The following KIF20B variants were observed in gnomAD, a reference collection of about 807,000 sequenced individuals.
The protein encoded by KIF20B is kinesin-like protein KIF20B.
A neutral mutation model predicts 232.5 loss-of-function variants in KIF20B; 188 were observed. The ratio of observed to expected loss-of-function variants is 0.81; its 90% CI spans 0.72 to 0.91. The LOEUF is 0.91. KIF20B is among the 40% of genes least tolerant of loss of function. The probability of loss-of-function intolerance (pLI) is 0.00; values close to 1 mark genes in which losing one functional copy is unlikely to be tolerated. For missense variants in KIF20B, 2,154 were observed against 2,055.9 expected (o/e 1.05, Z -0.92); for synonymous variants, 712 against 683.0 (o/e 1.04, Z -0.66).
rs371594371 is a variant in KIF20B, at chr10:89,738,090, A to G, written c.3249A>G (p.Gln1083=). The change falls in exon 20 of 33, where the codon CAA becomes CAG. Residue 1083 remains glutamine, a synonymous_variant. Transcript: ENST00000371728. ...GTCATCAGATTGAGGAACTGGAACAACAAATTGAAAAATTGCAGGCAGAAG... is the reference window on the plus strand; with the variant it reads ...GTCATCAGATTGAGGAACTGGAACAGCAAATTGAAAAATTGCAGGCAGAAG... ...KKSHQIEELE[Q]QIEKLQAEVK... 7.3e-5 allele frequency: 118 copies of G among 1,612,682 alleles called. No homozygotes were observed. Among genetic ancestry groups the G allele is most frequent in the Non-Finnish European group, 9.6e-5 (113 of 1,179,622 alleles).
intron 30 of KIF20B, 46 bp downstream of exon 30, chr10:89,768,437 C>G: frequency 8.8e-7 from 1 of 1,135,392 alleles, no homozygotes; most frequent in Non-Finnish European, 1.3e-6. Context: ...ATCCAGAAAT[C>G]CAGTTGTGTT....
chr10:89,714,155 T>A (rs1842889534), intron 7 of KIF20B, 72 bp downstream of exon 7: 1 of 858,750 alleles, frequency 1.2e-6, no homozygotes, highest in Non-Finnish European at 1.7e-6. Context: ...TTTTAATTTT[T>A]AAATCACTTC....
chr10:89,704,681 G>A (rs893133746), intron 1 of KIF20B, among the ~76,000 whole-genome samples: 5 of 151,914 alleles, frequency 3.3e-5, no homozygotes, highest in Admixed American at 2.0e-4. Flanking sequence ...TCAGCCTCCC[G>A]AGTAGCTGGG....
rs1396114697 is a variant in KIF20B, at chr10:89,726,310, A to G, written c.2019A>G (p.Val673=). The G allele has an allele frequency of 3.9e-6, 6 of 1,547,272 alleles. No individual in the cohort carries two copies. Among genetic ancestry groups the G allele is most frequent in the East Asian group, 2.5e-5 (1 of 40,786 alleles). ...KVETEETHNY[V]GFEDIIDSLQ... ...ATTTTTAGGAAACACATAATTATGT[A>G]GGATTTGAAGATATTATTGATTCTC... The change falls in exon 16 of 33, where the codon GTA becomes GTG. Residue 673 remains valine (V), a synonymous_variant. Coordinates refer to ENST00000371728, the MANE Select transcript of KIF20B (RefSeq NM_001284259.2).
chr10:89,725,058 A>C lies in KIF20B; in HGVS notation c.1901A>C (p.Asn634Thr), dbSNP rs769377812. 1.7e-5 allele frequency: 27 copies of C among 1,613,724 alleles called. No individual in the cohort carries two copies. Among genetic ancestry groups the C allele is most frequent in the Non-Finnish European group, 2.3e-5 (27 of 1,179,816 alleles). ...CAAGAACGAGAGATATTAGAAGAAA[A>C]TGCTGAACGTCGTTTGGCTATCTTC... ...LLQEREILEENAERRLAIFKD... is the reference protein window; with the variant it reads ...LLQEREILEETAERRLAIFKD... Residue 634 changes from asparagine to threonine, a missense_variant, in exon 15 of 33, where the codon AAT becomes ACT. Asn to Thr is a moderately conservative substitution (Grantham distance 65). Transcript: ENST00000371728.
intron 13 of KIF20B, among the ~76,000 whole-genome samples, chr10:89,722,779 TA>T (rs1287569747): frequency 1.3e-5 from 2 of 152,112 alleles, no homozygotes. Flanking sequence ...GTATGTAGTT[TA>T]AAATTATTAA....
intron 29 of KIF20B, among the ~76,000 whole-genome samples, chr10:89,767,011 T>A (rs1842375634): frequency 6.6e-6 from 1 of 151,916 alleles, no homozygotes; most frequent in African/African-American, 2.4e-5. Context: ...TTGGCATATA[T>A]CCCTCATGTA....
chr10:89,768,779 GAGTC>G lies in KIF20B; in HGVS notation c.5136_5139del (p.Ser1712ArgfsTer4), dbSNP rs775029179. Reference sequence around the variant, plus strand: ...CATCTAAGAAAACATATTCTTTACGGAGTCAGGCATCCATAATTGGTGTAAACCT... The same window carrying G: ...CATCTAAGAAAACATATTCTTTACGGAGGCATCCATAATTGGTGTAAACCT... On this transcript the variant is annotated frameshift_variant, in exon 31 of 33. Transcript: ENST00000371728. LOFTEE classifies it high-confidence loss of function. 1 of 1,601,822 alleles carries G rather than the reference GAGTC, an allele frequency of 6.2e-7. No homozygotes were observed. Among genetic ancestry groups the G allele is most frequent in the South Asian group, 1.1e-5 (1 of 88,044 alleles).
At chr10:89,717,824 T>G (rs1364804147) in intron 11 of KIF20B, 102 bp downstream of exon 11, 1 of 693,650 alleles carries the variant, frequency 1.4e-6, no homozygotes, top group Non-Finnish European at 2.4e-6. Context: ...TTAAACTGCT[T>G]CTTATGTAAT....
At position 89,761,410 on chromosome 10, in the gene KIF20B, A is replaced by G. The variant is rs530033639; in HGVS notation, c.4791+774A>G. On this transcript the variant is annotated intron_variant, in intron 28 of 32. Transcript: ENST00000371728. Reference sequence around the variant, plus strand: ...CTGAGTGTTTGTGGAAATGGATTAAAGAAGGTGATACCATATTGTATCTTA... The same window carrying G: ...CTGAGTGTTTGTGGAAATGGATTAAGGAAGGTGATACCATATTGTATCTTA... 4.6e-5 allele frequency among the ~76,000 whole-genome samples: 7 copies of G among 152,220 alleles called. No homozygotes were observed. In the South Asian group the frequency reaches 1.5e-3, roughly 32 times the overall value.
Position 89,709,249 on chromosome 10 carries a change from C to A in KIF20B, c.230C>A (p.Ser77Tyr). The A allele has an allele frequency of 6.2e-7, 1 of 1,606,442 alleles. No homozygotes were observed. The highest frequency in any genetic ancestry group is 8.5e-7 in the Non-Finnish European group (1 of 1,175,042). Residue 77 changes from serine to tyrosine, a missense_variant, in exon 3 of 33, where the codon TCT (serine) becomes TAT (tyrosine). Ser to Tyr is a moderately radical substitution (Grantham distance 144). Coordinates refer to ENST00000371728, the MANE Select transcript of KIF20B (RefSeq NM_001284259.2). ...ACACAGTCAGAAAAAGAACTTGAGT[C>A]TGAGGTTTGTGTTGAATTTAATAGA... is the stretch of plus-strand genomic sequence containing the variant. ...PFTQSEKELE[S>Y]EGCVHILDSQ... is the part of the protein sequence containing the mutation.
intron 16 of KIF20B, 142 bp downstream of exon 16, chr10:89,726,663 C>T: frequency 1.5e-6 from 1 of 661,548 alleles, no homozygotes; most frequent in Middle Eastern, 4.7e-4. Context: ...AATATTTTAC[C>T]ATTTGTATGA....
At chr10:89,735,185 A>G (rs1412198247) in intron 19 of KIF20B, among the ~76,000 whole-genome samples, 1 of 152,244 alleles carries the variant, frequency 6.6e-6, no homozygotes, top group African/African-American at 2.4e-5. Context: ...ATGAATTTAC[A>G]TATATCTAGA....
Position 89,729,131 on chromosome 10 carries a change from A to G in KIF20B, c.2275A>G (p.Ile759Val). The change falls in exon 18 of 33, where the codon ATA (isoleucine) becomes GTA (valine). Residue 759 changes from isoleucine (I) to valine (V), a missense_variant. By Grantham distance (29) the Ile-to-Val change is conservative. Coordinates refer to ENST00000371728, the MANE Select transcript of KIF20B (RefSeq NM_001284259.2). ...TTGCTTTTTCTTCTTTCCAAAGAAA[A>G]TAATTACACAGAATCAAAGAATTAA... ...IQELETSNKK[I>V]ITQNQRIKEL... 7 of 1,406,490 alleles carry G rather than the reference A, an allele frequency of 5.0e-6. No individual in the cohort carries two copies. The highest frequency in any genetic ancestry group is 6.7e-6 in the Non-Finnish European group (7 of 1,051,988). The allele number at this position is 1,406,490 out of a possible 1,614,324, so 87.1% of individuals were successfully genotyped here. A position where few individuals can be genotyped will look rare whatever the true frequency, so the allele number is the denominator to read the frequency against.
At chr10:89,734,792 G>A (rs956366564) in intron 19 of KIF20B, among the ~76,000 whole-genome samples, 10 of 152,146 alleles carry the variant, frequency 6.6e-5, no homozygotes, top group Non-Finnish European at 1.5e-4. Context: ...GAGGTTTGAC[G>A]TTTGGCTCTT....
rs771091686 is a variant in KIF20B at position 89,772,808 on chromosome 10, C to T, written c.5362C>T (p.Pro1788Ser). The T allele has an allele frequency of 1.9e-6, 3 of 1,609,674 alleles. No homozygotes were observed. The Admixed American group carries it at 5.0e-5, about 27-fold the overall frequency. The change falls in exon 32 of 33, where the codon CCT becomes TCT. Residue 1788 changes from proline to serine, a missense_variant. By Grantham distance (74) the Pro-to-Ser change is moderately conservative. Coordinates refer to ENST00000371728, the MANE Select transcript of KIF20B (RefSeq NM_001284259.2). ...ATTATACACAAGTGAAATTTCATCT[C>T]CTATTGATATATCAGGCCAAGTGGT... ...RKLYTSEISS[P>S]IDISGQVILM... is the part of the protein sequence containing the mutation.
intron 22 of KIF20B, among the ~76,000 whole-genome samples, chr10:89,744,446 A>G (rs899285280): frequency 2.6e-5 from 4 of 152,232 alleles, no homozygotes; most frequent in East Asian, 1.9e-4. Context: ...TCTGGAGTGT[A>G]ATTAATAGTA....
chr10:89,734,677 A>T (rs1382497941), intron 19 of KIF20B, among the ~76,000 whole-genome samples: 1 of 152,170 alleles, frequency 6.6e-6, no homozygotes, highest in Non-Finnish European at 1.5e-5. Context: ...CATCGAACAG[A>T]TTCATTACAT....
At chr10:89,745,674 A>C (rs1360004536) in intron 22 of KIF20B, among the ~76,000 whole-genome samples, 1 of 151,766 alleles carries the variant, frequency 6.6e-6, no homozygotes, top group Admixed American at 6.6e-5. Context: ...GGCTCACTGC[A>C]ATCTTGGCTC....
Sources: gnomAD v4.1 joint callset for allele counts (sites outside exome capture counted in the v4.1 genomes callset) on GRCh38, gnomAD v4.1.1 for gene constraint, MANE v1.5 for transcripts, NCBI Gene and HGNC (gene_info 2026-07-23, HGNC 2026-07-21) for gene names.